PLCXD3: variants seen among roughly 807,000 people sequenced by gnomAD.
PLCXD3 encodes the protein phosphatidylinositol specific phospholipase C X domain containing 3.
PLCXD3 carries 19 observed loss-of-function variants against 25.5 expected under a neutral mutation model. The ratio of observed to expected loss-of-function variants is 0.75; its 90% CI spans 0.52 to 1.09. The LOEUF (loss-of-function observed/expected upper bound fraction) is 1.09. PLCXD3 is among the 50% of genes least tolerant of loss of function. The pLI, the probability that PLCXD3 is intolerant of heterozygous loss-of-function variation, is 0.00. For synonymous variants in PLCXD3, 174 were observed against 137.6 expected, an observed-to-expected ratio of 1.26 and a Z score of -1.85; for missense variants, 411 against 388.1, an observed-to-expected ratio of 1.06 and a Z score of -0.50.
At chr5:41,476,316 T>C (rs1748283218) in intron 1 of PLCXD3, among the ~76,000 whole-genome samples, 1 of 152,212 alleles carries the variant, frequency 6.6e-6, no homozygotes, top group African/African-American at 2.4e-5. Flanking sequence ...AAAACTTGAA[T>C]TTCAGGCATG....
intron 2 of PLCXD3, among the ~76,000 whole-genome samples, chr5:41,319,326 C>T (rs1743393170): frequency 6.6e-6 from 1 of 152,114 alleles, no homozygotes; most frequent in Non-Finnish European, 1.5e-5. Context: ...TTCCTCAGCG[C>T]ATGGATCATT....
At position 41,343,831 on chromosome 5, in the gene PLCXD3, G is replaced by T. The variant is rs1370229407; in HGVS notation, c.813-30061C>A. Among the ~76,000 whole-genome samples, 3 of 152,196 alleles carry T rather than the reference G, an allele frequency of 2.0e-5. No homozygotes were observed. In the East Asian group the frequency reaches 5.8e-4, roughly 29 times the overall value. On this transcript the variant is annotated intron_variant, in intron 2 of 2. Coordinates refer to ENST00000377801, the MANE Select transcript of PLCXD3 (RefSeq NM_001005473.3). ...TTCCTAAAGCCCAAGCATTATGTTT[G>T]CTATACACAAGGCCAACATTTTCAT...
chr5:41,438,032 C>T (rs1378255721), intron 1 of PLCXD3, among the ~76,000 whole-genome samples: 1 of 152,120 alleles, frequency 6.6e-6, no homozygotes, highest in Admixed American at 6.6e-5. Flanking sequence ...GCAATTTCTT[C>T]CTCACTTACT....
intron 1 of PLCXD3, among the ~76,000 whole-genome samples, chr5:41,402,304 A>C (rs914983991): frequency 2.6e-5 from 4 of 151,776 alleles, no homozygotes; most frequent in African/African-American, 9.7e-5. Context: ...TTCAATTAAA[A>C]TTATTTTATA....
chr5:41,321,177 G>A (rs963813725), intron 2 of PLCXD3, among the ~76,000 whole-genome samples: 1 of 152,158 alleles, frequency 6.6e-6, no homozygotes, highest in Non-Finnish European at 1.5e-5. Flanking sequence ...CAGATGATAT[G>A]ATCTTATATT....
In PLCXD3 at chr5:41,373,173, T is replaced by A. The variant is rs556057141; in HGVS notation, c.812+8653A>T. On this transcript the variant is annotated intron_variant, in intron 2 of 2. Coordinates refer to ENST00000377801, the MANE Select transcript of PLCXD3 (RefSeq NM_001005473.3). Reference sequence around the variant, plus strand: ...TTCTTTCCCAAGAGTTAAATGGAAATCAATCCATCCAACTTCCCCACTTTT... The same window carrying A: ...TTCTTTCCCAAGAGTTAAATGGAAAACAATCCATCCAACTTCCCCACTTTT... Among the ~76,000 whole-genome samples, 3 of 152,262 alleles carry A rather than the reference T, an allele frequency of 2.0e-5. No individual in the cohort carries two copies. The South Asian group carries it at 6.2e-4, about 32-fold the overall frequency.
At chr5:41,468,926 T>C (rs1166847246) in intron 1 of PLCXD3, among the ~76,000 whole-genome samples, 2 of 152,174 alleles carry the variant, frequency 1.3e-5, no homozygotes, top group East Asian at 3.9e-4. Flanking sequence ...TGAAAAGAAG[T>C]GTTGAAGAGA....
At chr5:41,494,626 T>A (rs1188591888) in intron 1 of PLCXD3, among the ~76,000 whole-genome samples, 3 of 152,202 alleles carry the variant, frequency 2.0e-5, no homozygotes, top group Admixed American at 2.0e-4. Context: ...ATTTGGGTCA[T>A]GTTAAGTTTA....
intron 1 of PLCXD3, among the ~76,000 whole-genome samples, chr5:41,413,192 A>C (rs1336916917): frequency 6.6e-6 from 1 of 152,198 alleles, no homozygotes; most frequent in Non-Finnish European, 1.5e-5. Flanking sequence ...TTATTTTTCT[A>C]CAAACCAAAC....
chr5:41,370,192 T>C (rs369007339), intron 2 of PLCXD3, among the ~76,000 whole-genome samples: 1 of 152,350 alleles, frequency 6.6e-6, no homozygotes, highest in African/African-American at 2.4e-5. Flanking sequence ...ATCAAGTCTC[T>C]AGCCATTCTT....
chr5:41,459,965 C>T (rs574306190), intron 1 of PLCXD3, among the ~76,000 whole-genome samples: 5 of 151,826 alleles, frequency 3.3e-5, no homozygotes, highest in East Asian at 1.9e-4. Context: ...CTAATACTAG[C>T]GTTCAAGATA....
chr5:41,349,816 C>G (rs776144229), intron 2 of PLCXD3, among the ~76,000 whole-genome samples: 7 of 152,182 alleles, frequency 4.6e-5, no homozygotes, highest in Non-Finnish European at 1.0e-4. Context: ...AGCACTAGCC[C>G]CTTACTTGTC....
chr5:41,376,002 C>A (rs979558615), intron 2 of PLCXD3, among the ~76,000 whole-genome samples: 5 of 152,062 alleles, frequency 3.3e-5, no homozygotes, highest in African/African-American at 1.2e-4. Flanking sequence ...TAAATGGACA[C>A]AAATCATGTA....
intron 1 of PLCXD3, among the ~76,000 whole-genome samples, chr5:41,468,140 C>A (rs544475750): frequency 5.9e-4 from 89 of 149,654 alleles, no homozygotes; most frequent in South Asian, 4.2e-3. Context: ...GCCTCAGCCT[C>A]CTGAGTAGCT....
chr5:41,318,018 A>G (rs961836755), intron 2 of PLCXD3, among the ~76,000 whole-genome samples: 1 of 152,134 alleles, frequency 6.6e-6, no homozygotes, highest in African/African-American at 2.4e-5. Flanking sequence ...CAAGAAGGCC[A>G]GGAGAGCATG....
At position 41,381,897 on chromosome 5, in the gene PLCXD3, C is replaced by G. The variant is rs946391010; in HGVS notation, c.741G>C (p.Val247=). ...RKKGSFFISQ[V]VLTPKASTVV... ...CAGTGCTAGCTTTGGGGGTCAGCAC[C>G]ACCTGAGATATAAAAAACGATCCCT... The change falls in exon 2 of 3, where the codon GTG becomes GTC. Residue 247 remains valine, a synonymous_variant. Transcript: ENST00000377801. 4.3e-6 allele frequency: 7 copies of G among 1,613,282 alleles called. No individual in the cohort carries two copies. Among genetic ancestry groups the G allele is most frequent in the Non-Finnish European group, 5.9e-6 (7 of 1,179,672 alleles).
At position 41,510,570 on chromosome 5, in the gene PLCXD3, G is replaced by A. The variant is rs758997431; in HGVS notation, c.-44C>T. 4.8e-6 allele frequency: 7 copies of A among 1,460,652 alleles called. No individual in the cohort carries two copies. The Admixed American group carries it at 7.1e-5, about 15-fold the overall frequency. 90.5% of individuals were successfully genotyped at this position (1,460,652 alleles called of 1,614,324 possible). On this transcript the variant is annotated 5_prime_UTR_variant, in exon 1 of 3. Coordinates refer to ENST00000377801, the MANE Select transcript of PLCXD3 (RefSeq NM_001005473.3). ...GCGCGCTGGTCCCAGCACTCCTCGG[G>A]CAGGCTGGCAGGCTGCTGCCGCTAA...
At chr5:41,453,380 G>A (rs1296872860) in intron 1 of PLCXD3, among the ~76,000 whole-genome samples, 1 of 150,816 alleles carries the variant, frequency 6.6e-6, no homozygotes, top group African/African-American at 2.4e-5. Context: ...ATGACCGCAT[G>A]GCAATTGGTT....
At chr5:41,328,884 C>A (rs1743709028) in intron 2 of PLCXD3, among the ~76,000 whole-genome samples, 1 of 152,146 alleles carries the variant, frequency 6.6e-6, no homozygotes, top group African/African-American at 2.4e-5. Flanking sequence ...AATGTGCTGA[C>A]CTTGACTTGT....
Sources: allele counts gnomAD v4.1 joint callset (sites outside exome capture counted in the v4.1 genomes callset), GRCh38; gene constraint gnomAD v4.1.1; transcripts MANE v1.5; gene names NCBI Gene and HGNC (gene_info 2026-07-23, HGNC 2026-07-21).